The following PTPRK variants were observed in gnomAD, a reference collection of about 807,000 sequenced individuals.
PTPRK encodes the protein receptor-type tyrosine-protein phosphatase kappa.
Under a neutral mutation model 178.0 loss-of-function variants are expected in PTPRK, and 75 were observed. The observed-to-expected ratio is 0.42, with a 90% CI of 0.35 to 0.51. The LOEUF is 0.51. Among genes scored for constraint, PTPRK ranks in the 20% least tolerant of loss-of-function variants. The pLI is 0.02. For missense variants in PTPRK, 1,441 were observed against 1,797.8 expected (o/e 0.80, Z 3.59); for synonymous variants, 637 against 620.6 (o/e 1.03, Z -0.39).
At chr6:128,048,955 C>T (rs1006041033) in intron 13 of PTPRK, among the ~76,000 whole-genome samples, 3 of 152,024 alleles carry the variant, frequency 2.0e-5, no homozygotes, top group Non-Finnish European at 4.4e-5. Flanking sequence ...TCCCCAGGGC[C>T]TACAACACTG....
intron 13 of PTPRK, among the ~76,000 whole-genome samples, chr6:128,034,433 A>T (rs1356582736): frequency 1.3e-5 from 2 of 152,254 alleles, no homozygotes; most frequent in Non-Finnish European, 2.9e-5. Flanking sequence ...TTCTTTGAAG[A>T]AATATACTTG....
intron 14 of PTPRK, chr6:128,006,181 GT>G (rs915055881): frequency 7.6e-5 from 52 of 687,668 alleles, no homozygotes; most frequent in South Asian, 1.3e-4. Context: ...TAAAATTCAT[GT>G]TTTTTTTGCT....
intron 7 of PTPRK, among the ~76,000 whole-genome samples, chr6:128,175,794 C>T (rs1800976772): frequency 6.6e-6 from 1 of 151,716 alleles, no homozygotes; most frequent in African/African-American, 2.4e-5. Context: ...GGTACGTAAG[C>T]TCTATGCAGT....
intron 13 of PTPRK, among the ~76,000 whole-genome samples, chr6:128,016,992 T>C (rs1374581604): frequency 1.3e-5 from 2 of 152,030 alleles, no homozygotes; most frequent in African/African-American, 2.4e-5. Context: ...TTCTGTAACA[T>C]ATTGTATATA....
At chr6:128,407,987 T>C (rs138239737) in intron 1 of PTPRK, among the ~76,000 whole-genome samples, 150 of 152,318 alleles carry the variant, frequency 9.8e-4, no homozygotes, top group African/African-American at 3.3e-3. Context: ...ACTTCTCATC[T>C]CAAGCCATAC....
At chr6:128,473,637 C>T (rs1222245736) in intron 1 of PTPRK, among the ~76,000 whole-genome samples, 1 of 151,774 alleles carries the variant, frequency 6.6e-6, no homozygotes, top group Admixed American at 6.6e-5. Flanking sequence ...AATGACTCAC[C>T]TCCTAGTTAT....
chr6:127,990,795 C>T lies in PTPRK; in HGVS notation c.3070G>A (p.Val1024Ile). The T allele has an allele frequency of 6.2e-7, 1 of 1,608,530 alleles. No individual in the cohort carries two copies. The highest frequency in any genetic ancestry group is 1.3e-5 in the African/African-American group (1 of 74,838). Reference protein sequence around the residue: ...CVEMEPLAEYVVRTFTLERRG... With the variant: ...CVEMEPLAEYIVRTFTLERRG... ...CTTTCCAGGGTGAATGTCCTAACTA[C>T]ATATTCAGCAAGTGGTTCCATTTCT... Residue 1024 changes from valine to isoleucine, a missense_variant, in exon 21 of 30, where the codon GTA becomes ATA. By Grantham distance (29) the Val-to-Ile change is conservative. Coordinates refer to ENST00000368226, the MANE Select transcript of PTPRK (RefSeq NM_002844.4).
intron 3 of PTPRK, among the ~76,000 whole-genome samples, chr6:128,293,007 G>A (rs1314741053): frequency 6.6e-6 from 1 of 151,858 alleles, no homozygotes; most frequent in Non-Finnish European, 1.5e-5. Context: ...CAACTGGTGT[G>A]TATTAGCTTT....
At chr6:128,236,019 A>AT (rs1813189871) in intron 5 of PTPRK, among the ~76,000 whole-genome samples, 1 of 152,030 alleles carries the variant, frequency 6.6e-6, no homozygotes, top group Non-Finnish European at 1.5e-5. Context: ...ACTGTGTCTA[A>AT]TTTATTAATT....
intron 13 of PTPRK, among the ~76,000 whole-genome samples, chr6:128,042,217 TG>T (rs1777303974): frequency 6.6e-6 from 1 of 152,084 alleles, no homozygotes; most frequent in Non-Finnish European, 1.5e-5. Flanking sequence ...GTCATTTTCA[TG>T]TTTTTAGATA....
rs955695019 is a variant in PTPRK, at chr6:128,316,793, C to T, written c.495+5246G>A. ...AGTGCAGTGGTGCGATCTCCACTCA[C>T]TGCAACCTCCGCCTCCTGGTTCAAG... On this transcript the variant is annotated intron_variant, in intron 3 of 29. Transcript: ENST00000368226. 2.7e-5 allele frequency among the ~76,000 whole-genome samples: 4 copies of T among 150,134 alleles called. No individual in the cohort carries two copies. The East Asian group carries it at 7.9e-4, about 30-fold the overall frequency.
At chr6:128,044,659 T>C (rs200920664) in intron 13 of PTPRK, among the ~76,000 whole-genome samples, 1 of 144,940 alleles carries the variant, frequency 6.9e-6, no homozygotes, top group East Asian at 2.0e-4. Flanking sequence ...TTTTTTTTTT[T>C]CCATTTAAGT....
At chr6:128,178,679 CT>C (rs1354366147) in intron 7 of PTPRK, among the ~76,000 whole-genome samples, 1 of 151,474 alleles carries the variant, frequency 6.6e-6, no homozygotes, top group Non-Finnish European at 1.5e-5. Context: ...ATCTATCTAT[CT>C]ATCTATCTAT....
chr6:128,126,971 T>G (rs1383461630), intron 7 of PTPRK, among the ~76,000 whole-genome samples: 1 of 152,152 alleles, frequency 6.6e-6, no homozygotes, highest in East Asian at 1.9e-4. Context: ...TTTTTTTTTT[T>G]TGGTGGATAT....
At chr6:128,080,077 C>T (rs139455826) in intron 10 of PTPRK, among the ~76,000 whole-genome samples, 1,579 of 151,486 alleles carry the variant, frequency 0.01, 29 homozygotes, top group African/African-American at 0.036. Context: ...AACCAGAAGG[C>T]TCAGGGTGTC....
At chr6:128,319,040 TTA>T (rs1286899489) in intron 3 of PTPRK, among the ~76,000 whole-genome samples, 2 of 152,184 alleles carry the variant, frequency 1.3e-5, no homozygotes, top group African/African-American at 2.4e-5. Flanking sequence ...AGTTTGTTCC[TTA>T]TATGTTAGTG....
intron 7 of PTPRK, among the ~76,000 whole-genome samples, chr6:128,165,635 A>G (rs1408627018): frequency 6.6e-6 from 1 of 151,268 alleles, no homozygotes; most frequent in African/African-American, 2.4e-5. Context: ...TAGACCCAAA[A>G]GGTACACACA....
intron 25 of PTPRK, 123 bp downstream of exon 25, chr6:127,980,993 A>G (rs1167993947): frequency 1.0e-6 from 1 of 992,104 alleles, no homozygotes; most frequent in Non-Finnish European, 1.4e-6. Context: ...GTGTTTCAAT[A>G]AAAGTTTCCA....
intron 2 of PTPRK, among the ~76,000 whole-genome samples, chr6:128,394,785 G>C (rs572488205): frequency 6.6e-6 from 1 of 152,106 alleles, no homozygotes; most frequent in South Asian, 2.1e-4. Flanking sequence ...CTCATGAATA[G>C]AAACAATTTT....
Sources: gnomAD v4.1 joint callset for allele counts (sites outside exome capture counted in the v4.1 genomes callset) on GRCh38, gnomAD v4.1.1 for gene constraint, MANE v1.5 for transcripts, NCBI Gene and HGNC (gene_info 2026-07-23, HGNC 2026-07-21) for gene names.